Variants in CAMSAP2 observed in about 807,000 individuals in gnomAD.
CAMSAP2 encodes calmodulin regulated spectrin associated protein family member 2.
Under a neutral mutation model 146.1 loss-of-function variants are expected in CAMSAP2, and 26 were observed. The ratio of observed to expected loss-of-function variants is 0.18; its 90% CI spans 0.13 to 0.25. The LOEUF (loss-of-function observed/expected upper bound fraction) is 0.25. Among genes scored for constraint, CAMSAP2 ranks in the 10% least tolerant of loss-of-function variants. The pLI is 1.00. For synonymous variants in CAMSAP2, 499 were observed against 596.6 expected (o/e 0.84, Z 2.38); for missense variants, 1,381 against 1,759.3 (o/e 0.78, Z 3.85).
intron 2 of CAMSAP2, among the ~76,000 whole-genome samples, chr1:200,781,389 T>C (rs1207422486): frequency 6.6e-6 from 1 of 152,204 alleles, no homozygotes; most frequent in Non-Finnish European, 1.5e-5. Flanking sequence ...CTGCCTTATA[T>C]AAATTATCAT....
Position 200,849,805 on chromosome 1 carries a change from T to G in CAMSAP2, c.3036T>G (p.Val1012=), listed in dbSNP as rs745567871. 1.4e-5 allele frequency: 22 copies of G among 1,614,120 alleles called. No homozygotes were observed. Among genetic ancestry groups the G allele is most frequent in the African/African-American group, 2.7e-5 (2 of 74,936 alleles). The change falls in exon 11 of 17, where the codon GTT becomes GTG. Residue 1012 remains valine (V), a synonymous_variant. Coordinates refer to ENST00000358823, the MANE Select transcript of CAMSAP2 (RefSeq NM_203459.4). This position sits in a 1 kb window ranked among gnomAD's most constrained non-coding sequence, Gnocchi z 6.3. ...TAAGGAGGTTTTCACCAAGTCAAGT[T>G]CCTATTCAAACTAGGTCATTTGTAT... ...PRLRRFSPSQ[V]PIQTRSFVCF... is the part of the protein sequence containing the mutation.
At chr1:200,773,725 TA>T (rs1281448782) in intron 2 of CAMSAP2, among the ~76,000 whole-genome samples, 1 of 151,798 alleles carries the variant, frequency 6.6e-6, no homozygotes, top group African/African-American at 2.4e-5. Context: ...CACACACATA[TA>T]AATAATTGGA....
chr1:200,779,143 G>C (rs146258682), intron 2 of CAMSAP2, among the ~76,000 whole-genome samples: 1 of 152,076 alleles, frequency 6.6e-6, no homozygotes, highest in South Asian at 2.1e-4. Context: ...ATGAATATAG[G>C]TCTATACCAT....
At chr1:200,795,395 G>A (rs1402649688) in intron 2 of CAMSAP2, among the ~76,000 whole-genome samples, 2 of 152,150 alleles carry the variant, frequency 1.3e-5, no homozygotes, top group Non-Finnish European at 2.9e-5. Flanking sequence ...TTTGATGCCA[G>A]GGAATTTATG....
chr1:200,752,012 A>G (rs1664519474), intron 1 of CAMSAP2, among the ~76,000 whole-genome samples: 1 of 152,218 alleles, frequency 6.6e-6, no homozygotes, highest in African/African-American at 2.4e-5. Context: ...TAACTTGGAA[A>G]TGCCTGTAAA....
intron 2 of CAMSAP2, among the ~76,000 whole-genome samples, chr1:200,785,856 T>C (rs1465745229): frequency 6.6e-6 from 1 of 151,914 alleles, no homozygotes; most frequent in African/African-American, 2.4e-5. Flanking sequence ...CCTGGCTAAT[T>C]TTTTGTATTT....
chr1:200,817,986 A>G (rs949459737), intron 4 of CAMSAP2, among the ~76,000 whole-genome samples: 8 of 152,104 alleles, frequency 5.3e-5, no homozygotes, highest in African/African-American at 1.9e-4. Flanking sequence ...TTTTCTTGTC[A>G]GCTTCCTTCC....
intron 2 of CAMSAP2, among the ~76,000 whole-genome samples, chr1:200,763,036 A>G (rs1179523987): frequency 2.0e-5 from 3 of 152,032 alleles, no homozygotes; most frequent in Non-Finnish European, 2.9e-5. Flanking sequence ...AGTAGCTGAG[A>G]TTATAGGCGT....
chr1:200,847,413 T>TTTTG (rs764567271), intron 9 of CAMSAP2, 121 bp downstream of exon 9: 8 of 769,646 alleles, frequency 1.0e-5, no homozygotes, highest in African/African-American at 3.5e-5. Flanking sequence ...GTGTGTGTTT[T>TTTTG]TTTGTTTGTT....
intron 4 of CAMSAP2, among the ~76,000 whole-genome samples, chr1:200,826,305 G>T (rs1666905290): frequency 6.6e-6 from 1 of 152,020 alleles, no homozygotes; most frequent in Non-Finnish European, 1.5e-5. Flanking sequence ...GGTGGTGCAT[G>T]CCTGTTGTCC....
At chr1:200,835,265 A>G (rs1373012129) in intron 6 of CAMSAP2, among the ~76,000 whole-genome samples, 1 of 152,258 alleles carries the variant, frequency 6.6e-6, no homozygotes, top group Non-Finnish European at 1.5e-5. Context: ...AGTTATTAAG[A>G]TGAAAAGAAA....
chr1:200,745,589 C>T (rs971542275), intron 1 of CAMSAP2, among the ~76,000 whole-genome samples: 13 of 152,290 alleles, frequency 8.5e-5, no homozygotes, highest in African/African-American at 2.9e-4. Flanking sequence ...AAATTAGAGT[C>T]TAAGCCTTTG....
At chr1:200,759,883 C>G (rs193270145) in intron 1 of CAMSAP2, among the ~76,000 whole-genome samples, 1 of 152,316 alleles carries the variant, frequency 6.6e-6, no homozygotes, top group African/African-American at 2.4e-5. Flanking sequence ...GGAAGAGATA[C>G]AGGGTAGAAT....
chr1:200,778,239 A>T (rs1488219785), intron 2 of CAMSAP2, among the ~76,000 whole-genome samples: 1 of 152,186 alleles, frequency 6.6e-6, no homozygotes, highest in Non-Finnish European at 1.5e-5. Flanking sequence ...TTTAATTAAG[A>T]ATTAAATATA....
chr1:200,848,870 G>A lies in CAMSAP2; in HGVS notation c.2101G>A (p.Asp701Asn), dbSNP rs147411465. Residue 701 changes from aspartate to asparagine, a missense_variant, in exon 11 of 17, where the codon GAT becomes AAT. Coordinates refer to ENST00000358823, the MANE Select transcript of CAMSAP2 (RefSeq NM_203459.4). ...AAAATTCAGGAAACTGAATCATACC[G>A]ATGGAAAAAGTAGTGGAAGCAGTTC... ...EQKFRKLNHT[D>N]GKSSGSSSQK... 298 of 1,614,104 alleles carry A rather than the reference G, an allele frequency of 1.8e-4. No individual in the cohort carries two copies. Among genetic ancestry groups the A allele is most frequent in the Non-Finnish European group, 1.7e-4 (206 of 1,179,994 alleles).
intron 2 of CAMSAP2, among the ~76,000 whole-genome samples, chr1:200,792,600 G>A (rs1179607451): frequency 6.6e-6 from 1 of 152,214 alleles, no homozygotes; most frequent in Non-Finnish European, 1.5e-5. Flanking sequence ...AGCCGAGATG[G>A]CACCACTGCG....
chr1:200,783,298 A>T (rs539067775), intron 2 of CAMSAP2, among the ~76,000 whole-genome samples: 44 of 152,254 alleles, frequency 2.9e-4, no homozygotes, highest in African/African-American at 1.0e-3. Flanking sequence ...ATAGAATTTA[A>T]TGTTTTTTGT....
intron 3 of CAMSAP2, among the ~76,000 whole-genome samples, chr1:200,809,594 G>A (rs1269434882): frequency 6.6e-6 from 1 of 152,164 alleles, no homozygotes; most frequent in Non-Finnish European, 1.5e-5. Flanking sequence ...AGCTGAGCAT[G>A]GTGGCAGATG....
chr1:200,760,939 A>G lies in CAMSAP2; in HGVS notation c.240A>G (p.Leu80=). Residue 80 remains leucine, a synonymous_variant, in exon 2 of 17, where the codon CTA becomes CTG. Coordinates refer to ENST00000358823, the MANE Select transcript of CAMSAP2 (RefSeq NM_203459.4). ...PVVNLLLSAE[L]YCRAGSLILK... ...TTAATTTGCTTCTATCGGCTGAACTATACTGTCGTGCTGGGAGTCTCATTC... is the reference window on the plus strand; with the variant it reads ...TTAATTTGCTTCTATCGGCTGAACTGTACTGTCGTGCTGGGAGTCTCATTC... 2 of 1,614,178 alleles carry G rather than the reference A, an allele frequency of 1.2e-6. No homozygotes were observed. The highest frequency in any genetic ancestry group is 2.2e-5 in the South Asian group (2 of 91,086).
Sources: gnomAD v4.1 joint callset for allele counts (sites outside exome capture counted in the v4.1 genomes callset) on GRCh38, gnomAD v4.1.1 for gene constraint, Gnocchi (gnomAD v3.1) non-coding constraint, MANE v1.5 for transcripts, NCBI Gene and HGNC (gene_info 2026-07-23, HGNC 2026-07-21) for gene names.